ZNF831: variants seen among roughly 807,000 people sequenced by gnomAD.
ZNF831 encodes the protein chromosome 20 open reading frame 174.
ZNF831 carries 59 observed loss-of-function variants against 95.8 expected under a neutral mutation model. The ratio of observed to expected loss-of-function variants is 0.62; its 90% CI spans 0.50 to 0.77. The LOEUF is 0.77. Ranked by LOEUF, ZNF831 falls within the 30% of genes least tolerant of loss-of-function variation. ZNF831 has a pLI of 0.00. For missense variants in ZNF831, 2,205 were observed against 2,164.0 expected, an observed-to-expected ratio of 1.02 and a Z score of -0.38; for synonymous variants, 961 against 925.5, an observed-to-expected ratio of 1.04 and a Z score of -0.70.
chr20:59,131,476 CCTTA>C (rs1979350102), intron 1 of ZNF831, among the ~76,000 whole-genome samples: 1 of 152,172 alleles, frequency 6.6e-6, no homozygotes, highest in African/African-American at 2.4e-5. Context: ...AGGTGGAATT[CCTTA>C]CTTACTGATA....
At chr20:59,172,657 C>T (rs1287600776) in intron 1 of ZNF831, among the ~76,000 whole-genome samples, 3 of 152,156 alleles carry the variant, frequency 2.0e-5, no homozygotes, top group African/African-American at 7.2e-5. Context: ...TCACTAAATG[C>T]AGGTCACCAT....
Position 59,208,593 on chromosome 20 carries a change from A to G in ZNF831, c.4027+1537A>G, listed in dbSNP as rs1985067882. On this transcript the variant is annotated intron_variant, in intron 4 of 5. Transcript: ENST00000371030. This position sits in a 1 kb window ranked among gnomAD's most constrained non-coding sequence, Gnocchi z 4.2. ...AGGGTACCTGGGAATTGTGCACAGAATTGTGTGTGTGTGGGTGACTTCCAG... is the reference window on the plus strand; with the variant it reads ...AGGGTACCTGGGAATTGTGCACAGAGTTGTGTGTGTGTGGGTGACTTCCAG... Among the ~76,000 whole-genome samples, 1 of 152,234 alleles carries G rather than the reference A, an allele frequency of 6.6e-6. No homozygotes were observed. Among genetic ancestry groups the G allele is most frequent in the African/African-American group, 2.4e-5 (1 of 41,556 alleles).
upstream of ZNF831, among the ~76,000 whole-genome samples, chr20:59,163,163 G>A (rs1408275104): frequency 6.6e-6 from 1 of 152,016 alleles, no homozygotes; most frequent in Non-Finnish European, 1.5e-5. Flanking sequence ...TTAAACTACT[G>A]AAGTCATTCA....
At chr20:59,213,919 C>T (rs1171658350) in intron 4 of ZNF831, among the ~76,000 whole-genome samples, 2 of 152,206 alleles carry the variant, frequency 1.3e-5, no homozygotes, top group Non-Finnish European at 2.9e-5. Flanking sequence ...CGTCCTCTCT[C>T]TCCCACACTA....
At position 59,192,755 on chromosome 20, in the gene ZNF831, T is replaced by C. The variant is rs1330474944; in HGVS notation, c.1736T>C (p.Leu579Pro). The C allele has an allele frequency of 6.2e-7, 1 of 1,612,046 alleles. No homozygotes were observed. Among genetic ancestry groups the C allele is most frequent in the Admixed American group, 1.7e-5 (1 of 59,958 alleles). Residue 579 changes from leucine (L) to proline (P), a missense_variant, in exon 2 of 6, where the codon CTG (leucine) becomes CCG (proline). By Grantham distance (98) the Leu-to-Pro change is moderately conservative. Transcript: ENST00000371030. This position sits in a 1 kb window ranked among gnomAD's most constrained non-coding sequence, Gnocchi z 5.2. ...DLPGTPIGDA[L>P]VPAEDTDAKR... ...CCAGGCACCCCCATTGGCGATGCCC[T>C]GGTGCCCGCAGAGGACACAGACGCA...
At chr20:59,244,531 T>A (rs1022876056) in intron 4 of ZNF831, among the ~76,000 whole-genome samples, 1 of 152,230 alleles carries the variant, frequency 6.6e-6, no homozygotes, top group Non-Finnish European at 1.5e-5. Flanking sequence ...TCTTTCCAAC[T>A]GATAACGCAA....
At chr20:59,147,328 G>A (rs994648021) in intron 2 of ZNF831, among the ~76,000 whole-genome samples, 8 of 152,216 alleles carry the variant, frequency 5.3e-5, no homozygotes, top group Admixed American at 3.3e-4. Flanking sequence ...GGGCCCTCGC[G>A]TGTCACTCTA....
In ZNF831 at chr20:59,169,655, T is replaced by C. The variant is rs928661281; in HGVS notation, c.-37+5448T>C. Among the ~76,000 whole-genome samples the C allele has an allele frequency of 6.6e-6, 1 of 152,016 alleles. No individual in the cohort carries two copies. Among genetic ancestry groups the C allele is most frequent in the Non-Finnish European group, 1.5e-5 (1 of 67,996 alleles). On this transcript the variant is annotated intron_variant, in intron 1 of 5. Coordinates refer to ENST00000371030, the MANE Select transcript of ZNF831 (RefSeq NM_178457.3). The surrounding 1 kb of genome is among the most constrained non-coding windows in gnomAD (Gnocchi z 4.1). ...GTGGTGCGCACCTGTAATCCCAGCA[T>C]GTTGCAAGCTGAGGCAGGAGGATCA...
At chr20:59,224,652 AT>A (rs1405276481) in intron 4 of ZNF831, among the ~76,000 whole-genome samples, 1 of 152,158 alleles carries the variant, frequency 6.6e-6, no homozygotes, top group East Asian at 1.9e-4. Flanking sequence ...CTGACTTTCG[AT>A]TGTTTCTTAA....
At chr20:59,234,519 G>A (rs1350594256) in intron 4 of ZNF831, among the ~76,000 whole-genome samples, 2 of 152,176 alleles carry the variant, frequency 1.3e-5, no homozygotes, top group African/African-American at 2.4e-5. Flanking sequence ...TTGATTTCAC[G>A]GCCTATCAGG....
At chr20:59,137,796 C>A (rs1325445494) in intron 1 of ZNF831, among the ~76,000 whole-genome samples, 1 of 152,194 alleles carries the variant, frequency 6.6e-6, no homozygotes, top group African/African-American at 2.4e-5. Context: ...CTGTGTTATT[C>A]TAAGATAGGC....
chr20:59,160,656 C>T (rs933305119), upstream of ZNF831: 2 of 152,278 alleles, frequency 1.3e-5, no homozygotes, highest in Non-Finnish European at 2.9e-5. Context: ...GGTGTCCCTG[C>T]TCCTCCTGAC....
At chr20:59,145,415 C>G (rs917794712) in intron 1 of ZNF831, among the ~76,000 whole-genome samples, 2 of 152,206 alleles carry the variant, frequency 1.3e-5, no homozygotes, top group African/African-American at 4.8e-5. Context: ...TGCAGGACTT[C>G]TCAGAGCCTT....
At chr20:59,161,587 A>C (rs1413596011), upstream of ZNF831, among the ~76,000 whole-genome samples, 1 of 152,178 alleles carries the variant, frequency 6.6e-6, no homozygotes, top group Non-Finnish European at 1.5e-5. Context: ...GCATGGATAC[A>C]TGATTTTATT....
chr20:59,254,299 C>G lies in ZNF831; in HGVS notation c.4590C>G (p.Asp1530Glu), dbSNP rs780097193. ...GGACTCTGACATCAAGCTCCCCAGA[C>G]AGCAAAGTCACAGAAGAGGGCAGAG... ...AGRTLTSSSP[D>E]SKVTEEGRAQ... Residue 1530 changes from aspartate to glutamate, a missense_variant, in exon 6 of 6, where the codon GAC becomes GAG. Physicochemically the swap from Asp to Glu is conservative, Grantham distance 45. Transcript: ENST00000371030. This position sits in a 1 kb window ranked among gnomAD's most constrained non-coding sequence, Gnocchi z 4.5. 5 of 1,613,946 alleles carry G rather than the reference C, an allele frequency of 3.1e-6. No homozygotes were observed. The highest frequency in any genetic ancestry group is 1.3e-5 in the African/African-American group (1 of 74,914).
chr20:59,143,087 T>C (rs1484289320), intron 1 of ZNF831, among the ~76,000 whole-genome samples: 5 of 152,186 alleles, frequency 3.3e-5, no homozygotes, highest in Admixed American at 6.5e-5. Context: ...TTTGTAGAGA[T>C]GGGGTCTCGC....
rs192338180 is a variant in ZNF831, at chr20:59,187,400, C to T, written c.-36-3584C>T. 2.0e-3 allele frequency among the ~76,000 whole-genome samples: 302 copies of T among 152,206 alleles called. 1 individual carries two copies. Among genetic ancestry groups the T allele is most frequent in the African/African-American group, 5.6e-3 (233 of 41,522 alleles). The stretch of plus-strand genomic sequence containing the variant: ...GTGATGTGAGGGGGCAGCAAGAAGA[C>T]GGCCATCTAGGTACCAGGATGCAGG... On this transcript the variant is annotated intron_variant, in intron 1 of 5. Coordinates refer to ENST00000371030, the MANE Select transcript of ZNF831 (RefSeq NM_178457.3).
chr20:59,195,796 C>T (rs1984054591), intron 2 of ZNF831, 73 bp from the exon 3 acceptor site: 11 of 1,548,998 alleles, frequency 7.1e-6, no homozygotes, highest in East Asian at 2.3e-5. Flanking sequence ...GTCTGCAGAG[C>T]GAGAACCCTT....
At chr20:59,229,584 A>G (rs146633483) in intron 4 of ZNF831, among the ~76,000 whole-genome samples, 176 of 152,276 alleles carry the variant, frequency 1.2e-3, no homozygotes, top group African/African-American at 4.0e-3. Flanking sequence ...GCAATTTAGA[A>G]CACATTTGCT....
Sources: allele counts gnomAD v4.1 joint callset (sites outside exome capture counted in the v4.1 genomes callset), GRCh38; gene constraint gnomAD v4.1.1; non-coding constraint Gnocchi (gnomAD v3.1); transcripts MANE v1.5; gene names NCBI Gene and HGNC (gene_info 2026-07-23, HGNC 2026-07-21).